MANBA: variants seen among roughly 807,000 people sequenced by gnomAD.
MANBA encodes mannosidase beta.
A neutral mutation model predicts 111.1 loss-of-function variants in MANBA; 83 were observed. The observed-to-expected ratio is 0.75, with a 90% CI of 0.63 to 0.90. The LOEUF is 0.90. MANBA is among the 40% of genes least tolerant of loss of function. The pLI is 0.00. For synonymous variants in MANBA, 370 were observed against 378.7 expected, an observed-to-expected ratio of 0.98 and a Z score of 0.27; for missense variants, 1,036 against 1,069.0, an observed-to-expected ratio of 0.97 and a Z score of 0.43.
At chr4:102,667,214 G>T (rs1731265943) in intron 10 of MANBA, 1 of 152,194 alleles carries the variant, frequency 6.6e-6, no homozygotes, top group Admixed American at 6.5e-5. Flanking sequence ...AGTGGAAGAT[G>T]ACTTTGGCAG....
Position 102,632,290 on chromosome 4 carries a change from G to GAAA in MANBA, c.2416-12_2416-10dup. On this transcript the variant is annotated splice_polypyrimidine_tract_variant and intron_variant, in intron 16 of 16. Coordinates refer to ENST00000647097, the MANE Select transcript of MANBA (RefSeq NM_005908.4). ...TGCTGAGAGATGATGGCCTGAAAAA[G>GAAA]AAAAAAAAAAATGAATGAAGTGAAG... is the stretch of plus-strand genomic sequence containing the variant. 1 of 1,390,918 alleles carries GAAA rather than the reference G, an allele frequency of 7.2e-7. No individual in the cohort carries two copies. Among genetic ancestry groups the GAAA allele is most frequent in the African/African-American group, 1.4e-5 (1 of 69,158 alleles). 86.2% of individuals were successfully genotyped at this position (1,390,918 alleles called of 1,614,324 possible).
At chr4:102,695,991 G>C (rs1048381961) in intron 5 of MANBA, among the ~76,000 whole-genome samples, 14 of 152,140 alleles carry the variant, frequency 9.2e-5, no homozygotes, top group Non-Finnish European at 1.5e-5. Flanking sequence ...ACTTTGGTAG[G>C]CTGAGGCAGG....
intron 7 of MANBA, 53 bp downstream of exon 7, chr4:102,689,521 A>G (rs932487591): frequency 1.6e-5 from 19 of 1,198,068 alleles, no homozygotes; most frequent in Non-Finnish European, 2.2e-5. Context: ...CTGTATTACT[A>G]TTTTTAAAAG....
Position 102,741,901 on chromosome 4 carries a change from G to A in MANBA, c.178-15218C>T, listed in dbSNP as rs560187409. Among the ~76,000 whole-genome samples the A allele has an allele frequency of 3.8e-3, 579 of 152,270 alleles. 1 individual carries two copies. The highest frequency in any genetic ancestry group is 6.0e-3 in the Non-Finnish European group (406 of 68,010). ...TTCATGTTACCAAACAGCACCTCAG[G>A]AGGTCATGGTTTTTTTCCTGGTAAA... On this transcript the variant is annotated intron_variant, in intron 1 of 16. Transcript: ENST00000647097.
intron 11 of MANBA, among the ~76,000 whole-genome samples, chr4:102,662,061 A>G (rs186129367): frequency 6.6e-5 from 10 of 152,328 alleles, no homozygotes; most frequent in Admixed American, 5.9e-4. Flanking sequence ...ATAAGTCCCT[A>G]AAAAGAAAGG....
rs1294963595 is a variant in MANBA, at chr4:102,641,068, A to G, written c.1870-1211T>C. ...GAAAGATACGTAATCATTAAACAGT[A>G]CCAATGCTAAGTAGAAGAGGTATGC... On this transcript the variant is annotated intron_variant, in intron 13 of 16. Coordinates refer to ENST00000647097, the MANE Select transcript of MANBA (RefSeq NM_005908.4). 2.0e-5 allele frequency among the ~76,000 whole-genome samples: 3 copies of G among 152,216 alleles called. No homozygotes were observed. In the East Asian group the frequency reaches 5.8e-4, roughly 29 times the overall value.
intron 6 of MANBA, 22 bp from the exon 7 acceptor site, chr4:102,689,706 C>T: frequency 7.3e-7 from 1 of 1,370,556 alleles, no homozygotes; most frequent in Non-Finnish European, 1.0e-6. Flanking sequence ...ATTTAAAAGT[C>T]ACTCTAATAT....
chr4:102,647,959 A>T (rs1730172872), intron 13 of MANBA, among the ~76,000 whole-genome samples: 1 of 152,122 alleles, frequency 6.6e-6, no homozygotes, highest in African/African-American at 2.4e-5. Context: ...AACTGTGATT[A>T]TGTTTTTAAA....
chr4:102,720,927 G>A (rs1482760797), intron 4 of MANBA, among the ~76,000 whole-genome samples: 1 of 152,150 alleles, frequency 6.6e-6, no homozygotes, highest in Non-Finnish European at 1.5e-5. Flanking sequence ...AGCTGAAAAA[G>A]AGCCATTTAA....
intron 9 of MANBA, 66 bp downstream of exon 9, chr4:102,671,215 G>A (rs951161244): frequency 4.7e-5 from 48 of 1,014,100 alleles, no homozygotes; most frequent in South Asian, 8.9e-5. Flanking sequence ...GCATCATTCA[G>A]AACATTGGCA....
At chr4:102,745,577 C>T (rs1258803005) in intron 1 of MANBA, among the ~76,000 whole-genome samples, 2 of 152,182 alleles carry the variant, frequency 1.3e-5, no homozygotes, top group Non-Finnish European at 2.9e-5. Context: ...CCTTCCTCTA[C>T]ATTAAACTGA....
intron 7 of MANBA, among the ~76,000 whole-genome samples, chr4:102,674,943 T>C (rs1439627526): frequency 1.3e-5 from 2 of 152,234 alleles, no homozygotes; most frequent in Non-Finnish European, 2.9e-5. Flanking sequence ...GTGTCCACCA[T>C]TCTCCTGCTT....
At chr4:102,701,690 CA>C (rs1733056287) in intron 5 of MANBA, among the ~76,000 whole-genome samples, 1 of 151,942 alleles carries the variant, frequency 6.6e-6, no homozygotes, top group Non-Finnish European at 1.5e-5. Context: ...TATTGGCCCC[CA>C]CTCTCTTCTG....
In MANBA at chr4:102,664,901, A is replaced by G. The variant is rs777053004; in HGVS notation, c.1318-49T>C. The G allele has an allele frequency of 2.1e-6, 3 of 1,422,968 alleles. No homozygotes were observed. In the African/African-American group the frequency reaches 4.2e-5, roughly 20 times the overall value. The allele number at this position is 1,422,968 out of a possible 1,614,324, so 88.1% of individuals were successfully genotyped here. A position where few individuals can be genotyped will look rare whatever the true frequency, so the allele number is the denominator to read the frequency against. On this transcript the variant is annotated intron_variant, in intron 10 of 16. Transcript: ENST00000647097. The stretch of plus-strand genomic sequence containing the variant: ...TGATTTTCAAAGAGTTAACATAAAA[A>G]ATTCAGAGCTATAATTACTCATAAA...
Position 102,717,363 on chromosome 4 carries a change from G to GA in MANBA, c.550-2803dup, listed in dbSNP as rs761413963. On this transcript the variant is annotated intron_variant, in intron 4 of 16. Coordinates refer to ENST00000647097, the MANE Select transcript of MANBA (RefSeq NM_005908.4). ...GATGGGTATCAAGATGAGTTTTCCTGAAAAAAAAAAAAAAGACCCTGAAGG... is the reference window on the plus strand; with the variant it reads ...GATGGGTATCAAGATGAGTTTTCCTGAAAAAAAAAAAAAAAGACCCTGAAGG... 2.8e-3 allele frequency among the ~76,000 whole-genome samples: 310 copies of GA among 111,288 alleles called. 2 individuals carry two copies. The highest frequency in any genetic ancestry group is 3.6e-3 in the Admixed American group (39 of 10,864). The allele number at this position is 111,288 out of a possible 152,430, so 73.0% of individuals were successfully genotyped here. A position where few individuals can be genotyped will look rare whatever the true frequency, so the allele number is the denominator to read the frequency against.
chr4:102,664,928 T>G, intron 10 of MANBA, 76 bp from the exon 11 acceptor site: 1 of 1,169,166 alleles, frequency 8.6e-7, no homozygotes, highest in South Asian at 1.3e-5. Flanking sequence ...ACTCATAAAA[T>G]TAAAGCCCTT....
chr4:102,705,454 TGCTGCTG>T (rs1733254725), intron 5 of MANBA, among the ~76,000 whole-genome samples: 1 of 152,174 alleles, frequency 6.6e-6, no homozygotes, highest in African/African-American at 2.4e-5. Context: ...AGCCAGGCAC[TGCTGCTG>T]GCTGCTGCCA....
chr4:102,759,836 T>C (rs1229126677), intron 1 of MANBA, among the ~76,000 whole-genome samples: 2 of 152,204 alleles, frequency 1.3e-5, no homozygotes, highest in African/African-American at 4.8e-5. Flanking sequence ...AATTCCATAT[T>C]ATCCATAAAA....
intron 7 of MANBA, among the ~76,000 whole-genome samples, chr4:102,674,641 G>GT (rs1560766094): frequency 6.6e-6 from 1 of 152,204 alleles, no homozygotes. Context: ...TCTAATGGAA[G>GT]TAGATGCAGC....
Sources: gnomAD v4.1 joint callset for allele counts (sites outside exome capture counted in the v4.1 genomes callset) on GRCh38, gnomAD v4.1.1 for gene constraint, MANE v1.5 for transcripts, NCBI Gene and HGNC (gene_info 2026-07-23, HGNC 2026-07-21) for gene names.